Variants in COL24A1 observed in about 807,000 individuals in gnomAD.
COL24A1 encodes the protein collagen alpha-1(XXIV) chain.
Under a neutral mutation model 253.9 loss-of-function variants are expected in COL24A1, and 224 were observed. That is an observed-to-expected ratio of 0.88 (90% CI 0.79 to 0.99). The LOEUF is 0.99. Among genes scored for constraint, COL24A1 ranks in the 50% least tolerant of loss-of-function variants. The probability of loss-of-function intolerance (pLI) is 0.00; values close to 1 mark genes in which losing one functional copy is unlikely to be tolerated. For missense variants in COL24A1, 2,131 were observed against 2,068.5 expected (o/e 1.03, Z -0.59); for synonymous variants, 685 against 673.7 (o/e 1.02, Z -0.26).
chr1:86,117,189 A>T (rs1215930423), intron 3 of COL24A1, among the ~76,000 whole-genome samples: 3 of 152,242 alleles, frequency 2.0e-5, no homozygotes, highest in African/African-American at 7.2e-5. Context: ...GCAGTTTGCT[A>T]TGGCTTGCGT....
intron 5 of COL24A1, among the ~76,000 whole-genome samples, chr1:86,092,606 G>A (rs1703586846): frequency 6.6e-6 from 1 of 151,650 alleles, no homozygotes; most frequent in Non-Finnish European, 1.5e-5. Flanking sequence ...AAGGACCTAG[G>A]TAGATTTATT....
In COL24A1 at chr1:85,965,075, A is replaced by T; in HGVS notation, c.2464-13T>A. On this transcript the variant is annotated splice_polypyrimidine_tract_variant and intron_variant, in intron 22 of 59. Coordinates refer to ENST00000370571, the MANE Select transcript of COL24A1 (RefSeq NM_152890.7). ...GACCTGGTTTTCCCTAGAAGAGAAC[A>T]GCATAAAAGAAGAAAGTATATATGT... is the stretch of plus-strand genomic sequence containing the variant. 6.3e-7 allele frequency: 1 copy of T among 1,598,488 alleles called. No homozygotes were observed. The highest frequency in any genetic ancestry group is 8.5e-7 in the Non-Finnish European group (1 of 1,172,042).
At position 85,965,016 on chromosome 1, in the gene COL24A1, C is replaced by A. The variant is rs201092435; in HGVS notation, c.2510G>T (p.Gly837Val). Residue 837 changes from glycine (G) to valine (V), a missense_variant, in exon 23 of 60, where the codon GGC becomes GTC. Coordinates refer to ENST00000370571, the MANE Select transcript of COL24A1 (RefSeq NM_152890.7). ...TAAAGTCAGTTGCTTTACCTTTAAGCCTTCTGGTCCTGGTTCACCTGCATA... is the reference window on the plus strand; with the variant it reads ...TAAAGTCAGTTGCTTTACCTTTAAGACTTCTGGTCCTGGTTCACCTGCATA... ...KGYAGEPGPE[G>V]LKGEVGDQGN... The A allele has an allele frequency of 2.5e-6, 4 of 1,610,166 alleles. No homozygotes were observed. The East Asian group carries it at 6.7e-5, about 27-fold the overall frequency.
At chr1:85,760,058 G>GTT (rs34107171) in intron 55 of COL24A1, among the ~76,000 whole-genome samples, 1 of 149,282 alleles carries the variant, frequency 6.7e-6, no homozygotes. Flanking sequence ...GAAAGACATT[G>GTT]TTTTTTTTTT....
At chr1:85,909,646 G>A (rs191859374) in intron 26 of COL24A1, among the ~76,000 whole-genome samples, 6 of 151,880 alleles carry the variant, frequency 4.0e-5, no homozygotes, top group South Asian at 2.1e-4. Context: ...TATACAATCC[G>A]AAGAGAAATC....
chr1:85,969,397 G>A (rs780759241), intron 22 of COL24A1, among the ~76,000 whole-genome samples: 13 of 151,708 alleles, frequency 8.6e-5, no homozygotes, highest in Non-Finnish European at 1.6e-4. Flanking sequence ...CTGAGGCCAG[G>A]AGTTCAAGAC....
intron 35 of COL24A1, among the ~76,000 whole-genome samples, chr1:85,870,073 A>G (rs1168021266): frequency 6.6e-6 from 1 of 152,166 alleles, no homozygotes; most frequent in Non-Finnish European, 1.5e-5. Context: ...AAGACTTTAA[A>G]CCAACAAAGA....
intron 24 of COL24A1, among the ~76,000 whole-genome samples, chr1:85,923,795 G>A (rs1223774678): frequency 6.6e-6 from 1 of 152,154 alleles, no homozygotes; most frequent in African/African-American, 2.4e-5. Context: ...TCAAAAGCTA[G>A]CAGAAGGCAA....
rs1688275977 is a variant in COL24A1, at chr1:85,936,702, G to A, written c.2562+24547C>T. 1.4e-5 allele frequency among the ~76,000 whole-genome samples: 2 copies of A among 146,994 alleles called. 1 individual carries two copies. Among genetic ancestry groups the A allele is most frequent in the African/African-American group, 5.0e-5 (2 of 40,048 alleles). The stretch of plus-strand genomic sequence containing the variant: ...CCTGTACTTTGGGCCACATGACCTG[G>A]CAGACCCTACGGTATTAGAGGAATC... On this transcript the variant is annotated intron_variant, in intron 24 of 59. Transcript: ENST00000370571.
rs904961300 is a variant in COL24A1, at chr1:86,043,536, AT to A, written c.1950+3288del. On this transcript the variant is annotated intron_variant, in intron 12 of 59. Coordinates refer to ENST00000370571, the MANE Select transcript of COL24A1 (RefSeq NM_152890.7). Reference sequence around the variant, plus strand: ...CTTCTTCTTTTTATTTTTATTTTTCATTTTTTTTTTGAGATGGAGTCTCGCT... The same window carrying A: ...CTTCTTCTTTTTATTTTTATTTTTCATTTTTTTTTGAGATGGAGTCTCGCT... 7.7e-4 allele frequency among the ~76,000 whole-genome samples: 115 copies of A among 149,210 alleles called. 1 individual carries two copies. The highest frequency in any genetic ancestry group is 2.5e-3 in the African/African-American group (104 of 40,810).
At chr1:85,934,145 C>A (rs2103116000) in intron 24 of COL24A1, among the ~76,000 whole-genome samples, 1 of 152,198 alleles carries the variant, frequency 6.6e-6, no homozygotes, top group African/African-American at 2.4e-5. Context: ...TGGCTTCCCC[C>A]AGATTAAGTG....
chr1:85,915,803 C>G (rs573593651), intron 24 of COL24A1, among the ~76,000 whole-genome samples: 3 of 152,190 alleles, frequency 2.0e-5, no homozygotes, highest in Middle Eastern at 6.8e-3. Flanking sequence ...CACAGAGCAC[C>G]GTGCCCGGCT....
rs994446388 is a variant in COL24A1, at chr1:86,022,681, T to C, written c.2149-90A>G. On this transcript the variant is annotated intron_variant, in intron 16 of 59. Transcript: ENST00000370571. ...CAAATATTCATTGTAGAAGAATAATTTCTCTATTTTTCTTACTTCTGAGGA... is the reference window on the plus strand; with the variant it reads ...CAAATATTCATTGTAGAAGAATAATCTCTCTATTTTTCTTACTTCTGAGGA... 5.8e-5 allele frequency: 81 copies of C among 1,385,378 alleles called. No individual in the cohort carries two copies. In the Middle Eastern group the frequency reaches 9.2e-4, roughly 16 times the overall value. 85.8% of individuals were successfully genotyped at this position (1,385,378 alleles called of 1,614,324 possible).
intron 19 of COL24A1, among the ~76,000 whole-genome samples, chr1:86,010,732 A>G (rs1696411567): frequency 6.6e-6 from 1 of 152,202 alleles, no homozygotes; most frequent in Admixed American, 6.5e-5. Context: ...ATAAACTGAT[A>G]CATCCACACA....
chr1:85,739,717 T>A (rs955533400), intron 57 of COL24A1, among the ~76,000 whole-genome samples: 2 of 152,184 alleles, frequency 1.3e-5, no homozygotes, highest in African/African-American at 4.8e-5. Flanking sequence ...TAAAGCCACA[T>A]AGATGATGCT....
At chr1:86,031,186 G>A (rs542730570) in intron 14 of COL24A1, among the ~76,000 whole-genome samples, 1 of 152,216 alleles carries the variant, frequency 6.6e-6, no homozygotes, top group Non-Finnish European at 1.5e-5. Flanking sequence ...AGTGATATAA[G>A]CCAGGCACAG....
chr1:85,918,710 C>T (rs1053700367), intron 24 of COL24A1, among the ~76,000 whole-genome samples: 1 of 152,030 alleles, frequency 6.6e-6, no homozygotes, highest in Non-Finnish European at 1.5e-5. Flanking sequence ...TCTAAGATAT[C>T]ATGGATTGTA....
intron 7 of COL24A1, among the ~76,000 whole-genome samples, chr1:86,079,316 A>C (rs1702468077): frequency 6.6e-6 from 1 of 152,228 alleles, no homozygotes; most frequent in South Asian, 2.1e-4. Context: ...AATAGATTAA[A>C]GACTTAAATC....
intron 39 of COL24A1, among the ~76,000 whole-genome samples, chr1:85,845,846 T>G (rs932776567): frequency 6.6e-6 from 1 of 151,820 alleles, no homozygotes; most frequent in Non-Finnish European, 1.5e-5. Flanking sequence ...TGTAAGCAGA[T>G]TTGAGTAAAT....
Sources: gnomAD v4.1 joint callset for allele counts (sites outside exome capture counted in the v4.1 genomes callset) on GRCh38, gnomAD v4.1.1 for gene constraint, MANE v1.5 for transcripts, NCBI Gene and HGNC (gene_info 2026-07-23, HGNC 2026-07-21) for gene names.